The following KANK1 variants were observed in gnomAD, a reference collection of about 807,000 sequenced individuals.
The protein encoded by KANK1 is KN motif and ankyrin repeat domain-containing protein 1.
KANK1 carries 109 observed loss-of-function variants against 106.2 expected under a neutral mutation model. The ratio of observed to expected loss-of-function variants is 1.03; its 90% CI spans 0.88 to 1.20. The LOEUF (loss-of-function observed/expected upper bound fraction) is 1.20, where lower values mean the gene tolerates loss of function less well. Among genes scored for constraint, KANK1 ranks in the 50% most tolerant of loss-of-function variants. The probability of loss-of-function intolerance (pLI) is 0.00; values close to 1 mark genes in which losing one functional copy is unlikely to be tolerated. For missense variants in KANK1, 2,399 were observed against 1,710.7 expected (o/e 1.40, Z -7.10); for synonymous variants, 873 against 652.2 (o/e 1.34, Z -5.16).
intron 7 of KANK1, among the ~76,000 whole-genome samples, chr9:736,741 A>C (rs139275149): frequency 2.4e-4 from 37 of 152,220 alleles, no homozygotes; most frequent in Non-Finnish European, 4.9e-4. Context: ...ATAGAACTAC[A>C]TATTGAAATT....
At chr9:573,179 G>T (rs1016101894) in intron 1 of KANK1, among the ~76,000 whole-genome samples, 2 of 152,162 alleles carry the variant, frequency 1.3e-5, no homozygotes, top group African/African-American at 2.4e-5. Context: ...AGAGAATAAA[G>T]TATAATTTGT....
intron 1 of KANK1, among the ~76,000 whole-genome samples, chr9:509,504 T>C (rs1012547357): frequency 4.6e-5 from 7 of 152,246 alleles, no homozygotes; most frequent in African/African-American, 1.4e-4. Context: ...ATATTCAATT[T>C]TGTATTTTGT....
chr9:700,860 G>A (rs1209496046), intron 2 of KANK1, among the ~76,000 whole-genome samples: 1 of 152,198 alleles, frequency 6.6e-6, no homozygotes. Flanking sequence ...AGAGTGTGCA[G>A]CAGTGAAATC....
rs762483715 is a variant in KANK1, at chr9:712,702, G to A, written c.1936G>A (p.Ala646Thr). 21 of 1,613,878 alleles carry A rather than the reference G, an allele frequency of 1.3e-5. No homozygotes were observed. The highest frequency in any genetic ancestry group is 4.4e-5 in the South Asian group (4 of 91,046). Reference sequence around the variant, plus strand: ...GACCGTCTGCTCTCCAAAGGAGTGCGCCTCCCGGGGCGTGAACACTGAGGC... The same window carrying A: ...GACCGTCTGCTCTCCAAAGGAGTGCACCTCCCGGGGCGTGAACACTGAGGC... ...DVTVCSPKEC[A>T]SRGVNTEAVS... The change falls in exon 3 of 12, where the codon GCC (alanine) becomes ACC (threonine). Residue 646 changes from alanine (A) to threonine (T), a missense_variant. By Grantham distance (58) the Ala-to-Thr change is moderately conservative. Coordinates refer to ENST00000382297, the MANE Select transcript of KANK1 (RefSeq NM_015158.5).
intron 3 of KANK1, among the ~76,000 whole-genome samples, chr9:722,953 G>C (rs199710572): frequency 6.6e-6 from 1 of 152,014 alleles, no homozygotes; most frequent in East Asian, 1.9e-4. Context: ...ACAATGATGG[G>C]GAAAAAAGAC....
intron 2 of KANK1, among the ~76,000 whole-genome samples, chr9:710,344 G>A (rs1285785669): frequency 3.3e-5 from 5 of 152,120 alleles, no homozygotes; most frequent in African/African-American, 7.2e-5. Flanking sequence ...CAAGCCGGGC[G>A]CAGTGGCTCA....
chr9:558,129 T>C (rs1413823120), intron 1 of KANK1, among the ~76,000 whole-genome samples: 1 of 152,070 alleles, frequency 6.6e-6, no homozygotes, highest in Non-Finnish European at 1.5e-5. Flanking sequence ...GCAGGCACCT[T>C]TGAAAAGGCT....
intron 3 of KANK1, among the ~76,000 whole-genome samples, chr9:727,011 A>G (rs1394593174): frequency 1.3e-5 from 2 of 152,190 alleles, no homozygotes; most frequent in Non-Finnish European, 2.9e-5. Flanking sequence ...TTTTCTCCGT[A>G]TTATTGTATG....
chr9:513,487 AG>A (rs2059123550), intron 1 of KANK1, among the ~76,000 whole-genome samples: 1 of 152,220 alleles, frequency 6.6e-6, no homozygotes, highest in South Asian at 2.1e-4. Context: ...TTTAACTCTC[AG>A]AACACATAAC....
chr9:490,112 A>G (rs1350619554), intron 3 of KANK1, among the ~76,000 whole-genome samples: 1 of 152,220 alleles, frequency 6.6e-6, no homozygotes, highest in Non-Finnish European at 1.5e-5. Flanking sequence ...AAATACTTCA[A>G]TCCTGACCAG....
At chr9:737,680 G>A (rs1354772499) in intron 7 of KANK1, among the ~76,000 whole-genome samples, 1 of 152,194 alleles carries the variant, frequency 6.6e-6, no homozygotes, top group Non-Finnish European at 1.5e-5. Context: ...AGTTGTATTT[G>A]GGATTGGGGT....
chr9:641,496 A>C (rs899872836), intron 1 of KANK1, among the ~76,000 whole-genome samples: 1 of 152,210 alleles, frequency 6.6e-6, no homozygotes. Context: ...CACCATGAAC[A>C]ACATGCAAAT....
intron 6 of KANK1, 114 bp downstream of exon 6, chr9:732,731 A>G: frequency 2.6e-6 from 3 of 1,169,096 alleles, no homozygotes; most frequent in Middle Eastern, 2.1e-4. Context: ...TCTGTTCCTC[A>G]GAGGTATACA....
intron 1 of KANK1, among the ~76,000 whole-genome samples, chr9:533,656 C>A (rs2060165367): frequency 6.6e-6 from 1 of 152,100 alleles, no homozygotes; most frequent in Non-Finnish European, 1.5e-5. Flanking sequence ...GGGTGAGAAG[C>A]CAAGGATGAG....
In KANK1 at chr9:738,372, G is replaced by T. The variant is rs1834366161; in HGVS notation, c.3421G>T (p.Ala1141Ser). 1.2e-6 allele frequency: 2 copies of T among 1,614,040 alleles called. No homozygotes were observed. Among genetic ancestry groups the T allele is most frequent in the African/African-American group, 2.7e-5 (2 of 74,910 alleles). ...TCCAGCCATGGTGGGGGACTACATA[G>T]CTGCTTTTGAGGCCATTTCCCCAGA... ...AIPAMVGDYI[A>S]AFEAISPDVL... Residue 1141 changes from alanine to serine, a missense_variant, in exon 8 of 12, where the codon GCT becomes TCT. By Grantham distance (99) the Ala-to-Ser change is moderately conservative (BLOSUM62 1). Transcript: ENST00000382297.
chr9:743,658 A>C (rs895526332), intron 10 of KANK1, among the ~76,000 whole-genome samples: 1 of 152,014 alleles, frequency 6.6e-6, no homozygotes, highest in Non-Finnish European at 1.5e-5. Context: ...CGAGCCCAGG[A>C]GTTCAAGACC....
intron 1 of KANK1, among the ~76,000 whole-genome samples, chr9:505,675 C>G (rs140797650): frequency 0.018 from 2,751 of 152,332 alleles, 103 homozygotes; most frequent in South Asian, 0.11. Context: ...TTGGCGTTAA[C>G]AATTTATGGC....
At chr9:480,940 A>G (rs2058193216) in intron 3 of KANK1, among the ~76,000 whole-genome samples, 2 of 152,226 alleles carry the variant, frequency 1.3e-5, no homozygotes, top group African/African-American at 4.8e-5. Context: ...TTCTTGGCTT[A>G]CCATGGGGCT....
intron 1 of KANK1, among the ~76,000 whole-genome samples, chr9:640,935 A>T (rs1241984649): frequency 6.6e-6 from 1 of 151,940 alleles, no homozygotes; most frequent in African/African-American, 2.4e-5. Context: ...TGACCTTGTT[A>T]TCTGCCCGCC....
Sources: allele counts gnomAD v4.1 joint callset (sites outside exome capture counted in the v4.1 genomes callset), GRCh38; gene constraint gnomAD v4.1.1; transcripts MANE v1.5; gene names NCBI Gene and HGNC (gene_info 2026-07-23, HGNC 2026-07-21).